CD226: variants seen among roughly 807,000 people sequenced by gnomAD.
CD226 encodes the protein CD226 molecule.
CD226 carries 24 observed loss-of-function variants against 34.9 expected under a neutral mutation model. The observed-to-expected ratio is 0.69, with a 90% CI of 0.50 to 0.97. The LOEUF (loss-of-function observed/expected upper bound fraction) is 0.97. Among genes scored for constraint, CD226 ranks in the 50% least tolerant of loss-of-function variants. The probability of loss-of-function intolerance (pLI) is 0.00; values close to 1 mark genes in which losing one functional copy is unlikely to be tolerated. For missense variants in CD226, 397 were observed against 412.7 expected (o/e 0.96, Z 0.33); for synonymous variants, 148 against 147.4 (o/e 1.00, Z -0.03).
chr18:69,869,557 A>T (rs2145182708), intron 4 of CD226, among the ~76,000 whole-genome samples: 1 of 152,284 alleles, frequency 6.6e-6, no homozygotes, highest in East Asian at 1.9e-4. Flanking sequence ...ATTGGGTATA[A>T]GGCTTAATAC....
intron 2 of CD226, among the ~76,000 whole-genome samples, chr18:69,900,772 A>T: frequency 6.6e-6 from 1 of 152,216 alleles, no homozygotes; most frequent in Middle Eastern, 3.4e-3. Context: ...AATAAAATAA[A>T]ACTGTATTTC....
At position 69,900,432 on chromosome 18, in the gene CD226, T is replaced by A. The variant is rs151099384; in HGVS notation, c.383-4387A>T. Among the ~76,000 whole-genome samples the A allele has an allele frequency of 6.0e-3, 921 of 152,248 alleles. 9 individuals carry two copies. Among genetic ancestry groups the A allele is most frequent in the African/African-American group, 0.021 (876 of 41,534 alleles). On this transcript the variant is annotated intron_variant, in intron 2 of 5. Coordinates refer to ENST00000582621, the MANE Select transcript of CD226 (RefSeq NM_001303618.2). ...TCACATGTACCCACAAACCTAAAAG[T>A]TTTTTTAAAAATTTTTCTGGCCGGG...
chr18:69,896,303 T>C (rs1985294068), intron 2 of CD226: 1 of 283,930 alleles, frequency 3.5e-6, no homozygotes. Context: ...TGCCTCAGCC[T>C]CCTGAGTAGC....
At chr18:69,892,133 A>G (rs1338730286) in intron 3 of CD226, among the ~76,000 whole-genome samples, 1 of 152,202 alleles carries the variant, frequency 6.6e-6, no homozygotes, top group African/African-American at 2.4e-5. Context: ...CTGGTGGAAG[A>G]CGATTATACA....
chr18:69,898,804 G>A, intron 2 of CD226, among the ~76,000 whole-genome samples: 1 of 152,152 alleles, frequency 6.6e-6, no homozygotes, highest in African/African-American at 2.4e-5. Flanking sequence ...AAGCTCAGTG[G>A]AAGGCAGCTC....
upstream of CD226, among the ~76,000 whole-genome samples, chr18:69,957,911 C>A (rs1865800693): frequency 6.6e-6 from 1 of 152,188 alleles, no homozygotes; most frequent in Admixed American, 6.5e-5. Flanking sequence ...TTGATGACTG[C>A]CATTTTCCCA....
upstream of CD226, among the ~76,000 whole-genome samples, chr18:69,960,386 T>C (rs919727364): frequency 1.3e-5 from 2 of 152,132 alleles, no homozygotes; most frequent in Non-Finnish European, 2.9e-5. Flanking sequence ...CATCTCAGTT[T>C]CCTCCAGCAA....
At chr18:69,949,789 GACAC>G (rs1008599743), upstream of CD226, among the ~76,000 whole-genome samples, 2 of 151,306 alleles carry the variant, frequency 1.3e-5, no homozygotes, top group African/African-American at 4.9e-5. Context: ...CACAGTCTCA[GACAC>G]ACAATCACAT....
chr18:69,945,111 CA>C (rs2055773456), intron 2 of CD226, among the ~76,000 whole-genome samples: 3 of 152,130 alleles, frequency 2.0e-5, no homozygotes, highest in African/African-American at 7.2e-5. Flanking sequence ...TGAGAGACAC[CA>C]CACAAGAAAC....
At chr18:69,875,510 T>C (rs970248681) in intron 3 of CD226, among the ~76,000 whole-genome samples, 1 of 152,210 alleles carries the variant, frequency 6.6e-6, no homozygotes, top group Non-Finnish European at 1.5e-5. Context: ...CCGCCAACAG[T>C]GTACAAGGGT....
At chr18:69,898,955 T>C (rs1050693041) in intron 2 of CD226, among the ~76,000 whole-genome samples, 1 of 152,214 alleles carries the variant, frequency 6.6e-6, no homozygotes, top group Non-Finnish European at 1.5e-5. Flanking sequence ...AAAAATTTGA[T>C]TTCAATAAAA....
In CD226 at chr18:69,880,150, GGA is replaced by G. The variant is rs1012507879; in HGVS notation, c.728-6906_728-6905del. On this transcript the variant is annotated intron_variant, in intron 3 of 5. Transcript: ENST00000582621. ...TTCAGTAAAAGAAGAAAGAAAGAAAGGAGAGAGAGAGAGAAAGAGGAAAGGAA... is the reference window on the plus strand; with the variant it reads ...TTCAGTAAAAGAAGAAAGAAAGAAAGGAGAGAGAGAGAAAGAGGAAAGGAA... Among the ~76,000 whole-genome samples the G allele has an allele frequency of 1.7e-4, 25 of 150,852 alleles. 1 individual carries two copies. Among genetic ancestry groups the G allele is most frequent in the Middle Eastern group, 6.9e-3 (2 of 290 alleles).
chr18:69,878,092 T>C (rs1401876763), intron 3 of CD226, among the ~76,000 whole-genome samples: 2 of 152,234 alleles, frequency 1.3e-5, no homozygotes, highest in African/African-American at 4.8e-5. Flanking sequence ...TCATAACATT[T>C]AGTTTTTTAA....
Position 69,873,159 on chromosome 18 carries a change from A to C in CD226, c.815T>G (p.Val272Gly). The change falls in exon 4 of 6, where the codon GTC becomes GGC. Residue 272 changes from valine (V) to glycine (G), a missense_variant. Val to Gly is a moderately radical substitution (Grantham distance 109). Coordinates refer to ENST00000582621, the MANE Select transcript of CD226 (RefSeq NM_001303618.2). ...LFVISITTII[V>G]IFLNRRRRRE... is the part of the protein sequence containing the mutation. ...CACTACTCACCTGTTAAGGAAAATG[A>C]CAATGATGGTGGTAATTGAGATAAC... The C allele has an allele frequency of 6.3e-7, 1 of 1,591,058 alleles. No homozygotes were observed. Among genetic ancestry groups the C allele is most frequent in the Non-Finnish European group, 8.6e-7 (1 of 1,159,076 alleles).
At chr18:69,886,027 A>G (rs1185380356) in intron 3 of CD226, among the ~76,000 whole-genome samples, 1 of 152,136 alleles carries the variant, frequency 6.6e-6, no homozygotes, top group Non-Finnish European at 1.5e-5. Flanking sequence ...CTGTAGCTCC[A>G]CCGTCACCAG....
At chr18:69,922,700 G>A (rs2055466995) in intron 2 of CD226, among the ~76,000 whole-genome samples, 1 of 152,174 alleles carries the variant, frequency 6.6e-6, no homozygotes, top group Non-Finnish European at 1.5e-5. Context: ...AACAGACCAG[G>A]CCATTGTGAG....
upstream of CD226, among the ~76,000 whole-genome samples, chr18:69,950,006 TCTCTCA>T (rs1186033927): frequency 6.9e-6 from 1 of 144,546 alleles, no homozygotes; most frequent in African/African-American, 2.7e-5. Flanking sequence ...TTTCTCACAC[TCTCTCA>T]CACACACAAT....
At chr18:69,922,412 G>T (rs551291078) in intron 2 of CD226, among the ~76,000 whole-genome samples, 1 of 152,242 alleles carries the variant, frequency 6.6e-6, no homozygotes, top group African/African-American at 2.4e-5. Context: ...CTCCCAAGTA[G>T]CTGGGACCAC....
intron 5 of CD226, among the ~76,000 whole-genome samples, chr18:69,866,125 C>A (rs750329337): frequency 1.3e-5 from 2 of 152,216 alleles, no homozygotes; most frequent in Non-Finnish European, 2.9e-5. Context: ...GAAGCAAGCT[C>A]TTCTGTCCTT....
Sources: gnomAD v4.1 joint callset for allele counts (sites outside exome capture counted in the v4.1 genomes callset) on GRCh38, gnomAD v4.1.1 for gene constraint, MANE v1.5 for transcripts, NCBI Gene and HGNC (gene_info 2026-07-23, HGNC 2026-07-21) for gene names.